The following DUSP11 variants were observed in gnomAD, a reference collection of about 807,000 sequenced individuals.
DUSP11 encodes RNA/RNP complex-1-interacting phosphatase.
In DUSP11, 27 loss-of-function variants were observed where a neutral mutation model predicts 41.4. The observed-to-expected ratio is 0.65, with a 90% CI of 0.48 to 0.90. The LOEUF is 0.90. Ranked by LOEUF, DUSP11 falls within the 40% of genes least tolerant of loss-of-function variation. The pLI, the probability that DUSP11 is intolerant of heterozygous loss-of-function variation, is 0.00. For missense variants in DUSP11, 465 were observed against 461.1 expected, an observed-to-expected ratio of 1.01 and a Z score of -0.08; for synonymous variants, 188 against 159.3, an observed-to-expected ratio of 1.18 and a Z score of -1.35.
intron 4 of DUSP11, among the ~76,000 whole-genome samples, chr2:73,770,157 T>C (rs1057214537): frequency 2.7e-5 from 4 of 149,512 alleles, no homozygotes; most frequent in Admixed American, 2.0e-4. Flanking sequence ...TAGCTGGGTA[T>C]TGTGGCGGGA....
At chr2:73,773,699 T>G in intron 4 of DUSP11, 101 bp downstream of exon 4, 1 of 1,225,286 alleles carries the variant, frequency 8.2e-7, no homozygotes, top group South Asian at 1.6e-5. Context: ...CTTAGCATCA[T>G]TAAATACAAC....
intron 1 of DUSP11, among the ~76,000 whole-genome samples, chr2:73,778,798 G>A (rs1573187028): frequency 6.6e-6 from 1 of 152,120 alleles, no homozygotes; most frequent in Non-Finnish European, 1.5e-5. Context: ...GAAACTTCAA[G>A]TTCATATTTT....
intron 3 of DUSP11, 79 bp from the exon 4 acceptor site, chr2:73,774,002 T>C (rs1368006132): frequency 1.8e-5 from 22 of 1,232,372 alleles, no homozygotes; most frequent in Non-Finnish European, 2.1e-5. Context: ...GGACCCAGAA[T>C]ATAAGCCAAG....
At chr2:73,770,062 G>A (rs1421748197) in intron 4 of DUSP11, among the ~76,000 whole-genome samples, 1 of 151,934 alleles carries the variant, frequency 6.6e-6, no homozygotes, top group East Asian at 1.9e-4. Context: ...CATCAGCCAG[G>A]TGTGGTGGCT....
chr2:73,773,912 T>C, exon 4 of DUSP11: 1 of 1,599,668 alleles, frequency 6.3e-7, no homozygotes, highest in African/African-American at 1.3e-5. Flanking sequence ...AAGGAACAGT[T>C]TCTGGCAAAT....
At chr2:73,774,225 T>C (rs1672637288) in intron 3 of DUSP11, among the ~76,000 whole-genome samples, 1 of 152,222 alleles carries the variant, frequency 6.6e-6, no homozygotes, top group South Asian at 2.1e-4. Context: ...TTTAATATTT[T>C]ATAATTCAAG....
chr2:73,778,224 A>C (rs987814141), intron 2 of DUSP11, 77 bp downstream of exon 2: 2 of 926,800 alleles, frequency 2.2e-6, no homozygotes, highest in Non-Finnish European at 3.3e-6. Context: ...AGAAAATGGA[A>C]TGTGATAGAG....
rs751387122 is a variant in DUSP11, at chr2:73,766,846, T to C, written c.740A>G (p.Gln247Arg). The change falls in exon 7 of 9, where the codon CAG (glutamine) becomes CGG (arginine). Residue 247 changes from glutamine (Q) to arginine (R), a missense_variant. Gln to Arg is a conservative substitution (Grantham distance 43). Transcript: ENST00000272444. ...GACTTACTTTCTGATAGGACCATTC[T>C]GAAGGTCTTCAATGTAGTTTTGTCT... 1.6e-5 allele frequency: 25 copies of C among 1,612,882 alleles called. No homozygotes were observed. Among genetic ancestry groups the C allele is most frequent in the Non-Finnish European group, 1.9e-5 (22 of 1,179,046 alleles).
chr2:73,771,131 G>A (rs1052111907), intron 4 of DUSP11, among the ~76,000 whole-genome samples: 1 of 152,110 alleles, frequency 6.6e-6, no homozygotes, highest in Non-Finnish European at 1.5e-5. Context: ...TATATTCCAT[G>A]TATTTATTTG....
At position 73,768,146 on chromosome 2, in the gene DUSP11, T is replaced by A. The variant is rs534105829; in HGVS notation, c.636-939A>T. The A allele has an allele frequency of 2.2e-4, 33 of 152,348 alleles. No individual in the cohort carries two copies. In the South Asian group the frequency reaches 6.6e-3, roughly 31 times the overall value. 9.4% of individuals were successfully genotyped at this position (152,348 alleles called of 1,614,324 possible). A position where few individuals can be genotyped will look rare whatever the true frequency, so the allele number is the denominator to read the frequency against. On this transcript the variant is annotated intron_variant, in intron 5 of 8. Coordinates refer to ENST00000272444, the Ensembl canonical transcript of DUSP11. The stretch of plus-strand genomic sequence containing the variant: ...TACGTTCAGAATTCTCTCCACAACA[T>A]CCCTACCTGGTTAACACCTACTTAT...
intron 4 of DUSP11, among the ~76,000 whole-genome samples, chr2:73,770,735 G>C (rs372165676): frequency 6.6e-6 from 1 of 151,998 alleles, no homozygotes; most frequent in Non-Finnish European, 1.5e-5. Context: ...TCATAAACTG[G>C]TATCAATCTG....
At chr2:73,768,250 C>T (rs1672506543) in intron 5 of DUSP11, 2 of 165,154 alleles carry the variant, frequency 1.2e-5, no homozygotes, top group African/African-American at 4.8e-5. Flanking sequence ...ATTCTATGCT[C>T]TCATTGTACC....
At chr2:73,778,939 G>C (rs1405609702) in intron 1 of DUSP11, among the ~76,000 whole-genome samples, 1 of 152,108 alleles carries the variant, frequency 6.6e-6, no homozygotes, top group African/African-American at 2.4e-5. Context: ...CCTGAGGTCA[G>C]GAGTTCGAGA....
intron 8 of DUSP11, among the ~76,000 whole-genome samples, chr2:73,766,170 A>G (rs1024808656): frequency 5.9e-5 from 9 of 151,994 alleles, no homozygotes; most frequent in Non-Finnish European, 1.3e-4. Flanking sequence ...TTAGCTGGGC[A>G]TGGTGGCGGG....
chr2:73,766,712 T>C, intron 7 of DUSP11, 116 bp downstream of exon 7: 2 of 1,366,842 alleles, frequency 1.5e-6, no homozygotes, highest in Non-Finnish European at 2.0e-6. Flanking sequence ...CCTATTTGTT[T>C]ACATCTCCCC....
At chr2:73,779,754 A>C in intron 1 of DUSP11, 120 bp downstream of exon 1, 1 of 1,487,842 alleles carries the variant, frequency 6.7e-7, no homozygotes, top group Non-Finnish European at 9.1e-7. Flanking sequence ...GCCTCAAAGC[A>C]AGCGGCGGAC....
At chr2:73,770,518 A>G (rs1672553533) in intron 4 of DUSP11, among the ~76,000 whole-genome samples, 1 of 151,638 alleles carries the variant, frequency 6.6e-6, no homozygotes, top group Non-Finnish European at 1.5e-5. Context: ...CCATCTCAAA[A>G]AAAAAAAAAA....
intron 4 of DUSP11, among the ~76,000 whole-genome samples, chr2:73,769,559 C>T (rs2103934902): frequency 6.6e-6 from 1 of 152,264 alleles, no homozygotes; most frequent in East Asian, 1.9e-4. Context: ...GCTAAAACTG[C>T]AATGAGACAA....
At chr2:73,770,263 C>G (rs2103936300) in intron 4 of DUSP11, among the ~76,000 whole-genome samples, 1 of 151,798 alleles carries the variant, frequency 6.6e-6, no homozygotes, top group East Asian at 1.9e-4. Flanking sequence ...GCCTGTAATC[C>G]CAGCCCTTTG....
Sources: allele counts gnomAD v4.1 joint callset (sites outside exome capture counted in the v4.1 genomes callset), GRCh38; gene constraint gnomAD v4.1.1; transcripts MANE v1.5; gene names NCBI Gene and HGNC (gene_info 2026-07-23, HGNC 2026-07-21).